The following PTPRD variants were observed in gnomAD, a reference collection of about 807,000 sequenced individuals.
PTPRD encodes protein tyrosine phosphatase receptor type D, also known as receptor-type tyrosine-protein phosphatase delta.
In PTPRD, 34 loss-of-function variants were observed where a neutral mutation model predicts 214.5. The ratio of observed to expected loss-of-function variants is 0.16; its 90% CI spans 0.12 to 0.21. PTPRD has a LOEUF of 0.21. PTPRD is among the 10% of genes least tolerant of loss of function. The probability of loss-of-function intolerance (pLI) is 1.00; values close to 1 mark genes in which losing one functional copy is unlikely to be tolerated. For missense variants in PTPRD, 2,545 were observed against 2,398.7 expected (o/e 1.06, Z -1.27); for synonymous variants, 1,128 against 845.7 (o/e 1.33, Z -5.79).
intron 11 of PTPRD, among the ~76,000 whole-genome samples, chr9:8,932,695 C>A (rs2098961322): frequency 6.6e-6 from 1 of 152,234 alleles, no homozygotes; most frequent in African/African-American, 2.4e-5. Context: ...CCTACTCAAA[C>A]CTCAGTAAAG....
intron 35 of PTPRD, among the ~76,000 whole-genome samples, chr9:8,420,214 A>C (rs548460569): frequency 1.8e-4 from 28 of 152,276 alleles, no homozygotes; most frequent in Non-Finnish European, 2.2e-4. Flanking sequence ...AAATTTATGC[A>C]TCATTTATTT....
chr9:10,008,469 G>A (rs2096533378), intron 4 of PTPRD, among the ~76,000 whole-genome samples: 1 of 151,984 alleles, frequency 6.6e-6, no homozygotes, highest in Non-Finnish European at 1.5e-5. Context: ...TTTAATGCAT[G>A]TAAATGTTAA....
intron 9 of PTPRD, among the ~76,000 whole-genome samples, chr9:9,346,817 C>G (rs1187681180): frequency 6.6e-6 from 1 of 152,064 alleles, no homozygotes; most frequent in Non-Finnish European, 1.5e-5. Flanking sequence ...CTCAGCCTCT[C>G]AAGTAGCTGG....
intron 11 of PTPRD, among the ~76,000 whole-genome samples, chr9:8,880,543 C>T (rs919436015): frequency 1.3e-5 from 2 of 151,980 alleles, no homozygotes; most frequent in Non-Finnish European, 2.9e-5. Flanking sequence ...TCTGAGGGTG[C>T]CTATTGGGAG....
intron 5 of PTPRD, among the ~76,000 whole-genome samples, chr9:9,862,103 A>G (rs1179410588): frequency 2.6e-5 from 4 of 152,112 alleles, no homozygotes; most frequent in African/African-American, 7.2e-5. Flanking sequence ...CTCTCCCTAT[A>G]TATTACAAGA....
At position 10,164,825 on chromosome 9, in the gene PTPRD, T is replaced by C. The variant is rs1010354795; in HGVS notation, c.-544-131035A>G. On this transcript the variant is annotated intron_variant, in intron 3 of 45. Transcript: ENST00000381196. ...TGAAGGTTTAAAGGTTTTAGAAATA[T>C]AAAGGATGACAGAAAATCTAATGAG... 3.4e-5 allele frequency among the ~76,000 whole-genome samples: 5 copies of C among 148,930 alleles called. No individual in the cohort carries two copies. The East Asian group carries it at 9.9e-4, about 29-fold the overall frequency.
chr9:9,371,246 C>A (rs908271983), intron 9 of PTPRD, among the ~76,000 whole-genome samples: 1 of 151,882 alleles, frequency 6.6e-6, no homozygotes, highest in Non-Finnish European at 1.5e-5. Flanking sequence ...TGGTCCTGGA[C>A]TTTTTTTGGT....
At chr9:8,865,544 TG>T (rs1227359207) in intron 11 of PTPRD, among the ~76,000 whole-genome samples, 1 of 152,228 alleles carries the variant, frequency 6.6e-6, no homozygotes, top group Admixed American at 6.6e-5. Context: ...CCCCTGCTCC[TG>T]GGCTCTCATT....
intron 5 of PTPRD, among the ~76,000 whole-genome samples, chr9:9,863,365 G>A (rs4742631): frequency 6.6e-6 from 1 of 152,148 alleles, no homozygotes; most frequent in African/African-American, 2.4e-5. Context: ...CTCGACACCC[G>A]ACAGTCATAT....
intron 7 of PTPRD, among the ~76,000 whole-genome samples, chr9:9,625,201 G>A (rs1361043753): frequency 1.3e-5 from 2 of 152,156 alleles, no homozygotes; most frequent in African/African-American, 4.8e-5. Flanking sequence ...AAAGTTGGAG[G>A]TATGTCACAG....
At chr9:9,865,121 A>G (rs576132217) in intron 5 of PTPRD, among the ~76,000 whole-genome samples, 1 of 152,336 alleles carries the variant, frequency 6.6e-6, no homozygotes, top group South Asian at 2.1e-4. Flanking sequence ...AGACAATGAT[A>G]TTTGTAAAAG....
chr9:9,230,253 A>G (rs887388330), intron 9 of PTPRD, among the ~76,000 whole-genome samples: 1 of 152,232 alleles, frequency 6.6e-6, no homozygotes, highest in Middle Eastern at 3.4e-3. Flanking sequence ...GAATGATTCT[A>G]AAGAGGAGGT....
intron 9 of PTPRD, among the ~76,000 whole-genome samples, chr9:9,222,850 G>C (rs1449769810): frequency 2.0e-5 from 3 of 151,996 alleles, no homozygotes; most frequent in South Asian, 2.1e-4. Context: ...TATATTCTTG[G>C]TTAATTTTAC....
At chr9:10,281,589 G>A (rs1252945053) in intron 3 of PTPRD, among the ~76,000 whole-genome samples, 5 of 152,172 alleles carry the variant, frequency 3.3e-5, no homozygotes, top group Admixed American at 2.6e-4. Flanking sequence ...AAAGTTGGAT[G>A]TAATCCCAAT....
rs146137665 is a variant in PTPRD, at chr9:9,236,879, G to C, written c.-202-53516C>G. ...CGCCAGCTCTCAATGTGTTGTCTAA[G>C]CTTTTCTAACTCTGGCTGTCATTTG... On this transcript the variant is annotated intron_variant, in intron 9 of 45. Transcript: ENST00000381196. 1.6e-3 allele frequency among the ~76,000 whole-genome samples: 251 copies of C among 152,160 alleles called. 1 individual carries two copies. The highest frequency in any genetic ancestry group is 5.9e-3 in the African/African-American group (243 of 41,522).
chr9:9,682,108 G>A (rs1025583098), intron 7 of PTPRD, among the ~76,000 whole-genome samples: 1 of 151,686 alleles, frequency 6.6e-6, no homozygotes, highest in Non-Finnish European at 1.5e-5. Flanking sequence ...AAACAGCAAA[G>A]TGATTGTTTA....
chr9:9,773,229 T>G (rs992973826), intron 5 of PTPRD, among the ~76,000 whole-genome samples: 1 of 152,110 alleles, frequency 6.6e-6, no homozygotes, highest in Non-Finnish European at 1.5e-5. Context: ...CCCAAATGAA[T>G]AGTTTCTTTT....
chr9:9,067,374 C>A (rs562850422), intron 10 of PTPRD, among the ~76,000 whole-genome samples: 70 of 152,282 alleles, frequency 4.6e-4, no homozygotes, highest in African/African-American at 1.6e-3. Flanking sequence ...TGTGTATTTA[C>A]GTTTATGCCT....
chr9:9,170,718 C>A (rs778227032), intron 10 of PTPRD, among the ~76,000 whole-genome samples: 1 of 152,148 alleles, frequency 6.6e-6, no homozygotes, highest in Admixed American at 6.6e-5. Flanking sequence ...AAAAGGAATG[C>A]ACTAAATATA....
Sources: gnomAD v4.1 joint callset for allele counts (sites outside exome capture counted in the v4.1 genomes callset) on GRCh38, gnomAD v4.1.1 for gene constraint, MANE v1.5 for transcripts, NCBI Gene and HGNC (gene_info 2026-07-23, HGNC 2026-07-21) for gene names.